PHAX: variants seen among roughly 807,000 people sequenced by gnomAD.
The protein encoded by PHAX is phosphorylated adapter RNA export protein.
In PHAX, 31 loss-of-function variants were observed where a neutral mutation model predicts 41.6. The observed-to-expected ratio is 0.75, with a 90% CI of 0.56 to 1.01. PHAX has a LOEUF of 1.01. PHAX is among the 50% of genes least tolerant of loss of function. The pLI is 0.00. For missense variants in PHAX, 453 were observed against 472.9 expected (o/e 0.96, Z 0.39); for synonymous variants, 175 against 164.9 (o/e 1.06, Z -0.47).
At chr5:126,608,544 T>TTTG in intron 3 of PHAX, 60 bp downstream of exon 3, 1 of 1,440,884 alleles carries the variant, frequency 6.9e-7, no homozygotes, top group Non-Finnish European at 9.7e-7. Context: ...TGTTTTTGAT[T>TTTG]ACAAATTTAA....
Position 126,617,239 on chromosome 5 carries a change from C to G in PHAX, c.832-11C>G. ...GTATATGCAGTTTACCTTTTCTGTT[C>G]CTTTTTGTAGAATGGTAGTCGAAGA... On this transcript the variant is annotated splice_polypyrimidine_tract_variant and intron_variant, in intron 3 of 4. Transcript: ENST00000297540. 6.3e-7 allele frequency: 1 copy of G among 1,588,126 alleles called. No individual in the cohort carries two copies. The highest frequency in any genetic ancestry group is 1.3e-5 in the African/African-American group (1 of 74,432).
At chr5:126,621,702 AAAG>A (rs1255741915) in intron 4 of PHAX, among the ~76,000 whole-genome samples, 1 of 152,214 alleles carries the variant, frequency 6.6e-6, no homozygotes, top group African/African-American at 2.4e-5. Context: ...CTGAAGGAAA[AAAG>A]CAATAGTTAA....
In PHAX at chr5:126,608,640, T is replaced by TA. The variant is rs993159190; in HGVS notation, c.831+165dup. On this transcript the variant is annotated intron_variant, in intron 3 of 4. Transcript: ENST00000297540. ...AACTATTATCAACAATGAAGACTGT[T>TA]AAAAAAAAATTAGTTGCCAGGCACG... Among the ~76,000 whole-genome samples, 11 of 151,484 alleles carry TA rather than the reference T, an allele frequency of 7.3e-5. No individual in the cohort carries two copies. The East Asian group carries it at 7.7e-4, about 11-fold the overall frequency.
intron 3 of PHAX, among the ~76,000 whole-genome samples, chr5:126,611,615 G>T (rs570948188): frequency 1.3e-5 from 2 of 151,966 alleles, no homozygotes; most frequent in Non-Finnish European, 2.9e-5. Flanking sequence ...GTGAAATCCT[G>T]TTCTACAAAA....
intron 3 of PHAX, among the ~76,000 whole-genome samples, chr5:126,615,123 CTTAAT>C (rs1424309301): frequency 6.6e-6 from 1 of 151,006 alleles, no homozygotes; most frequent in Admixed American, 6.6e-5. Context: ...TTTTTTTTAA[CTTAAT>C]TTCTCTTAGA....
chr5:126,603,752 A>T lies in PHAX; in HGVS notation c.279A>T (p.Lys93Asn), dbSNP rs1191495898. 6.2e-7 allele frequency: 1 copy of T among 1,614,008 alleles called. No individual in the cohort carries two copies. The highest frequency in any genetic ancestry group is 8.5e-7 in the Non-Finnish European group (1 of 1,180,032). Residue 93 changes from lysine to asparagine, a missense_variant, in exon 2 of 5, where the codon AAA becomes AAT. Transcript: ENST00000297540. The stretch of plus-strand genomic sequence containing the variant: ...AGAAATGTTTTAACCCTCCTCCCAA[A>T]CCAGAGCCTTTTCAGTTTGGCCAGA... ...KRQKCFNPPP[K>N]PEPFQFGQSS...
intron 4 of PHAX, among the ~76,000 whole-genome samples, chr5:126,619,959 T>C (rs973325080): frequency 6.6e-6 from 1 of 152,118 alleles, no homozygotes. Flanking sequence ...ATAACAATGG[T>C]GATAAAGGTA....
rs984885828 is a variant in PHAX, at chr5:126,624,668, G to A, written c.1009G>A (p.Ala337Thr). Residue 337 changes from alanine (A) to threonine (T), a missense_variant, in exon 5 of 5, where the codon GCT becomes ACT. Transcript: ENST00000297540. ...TQVLGKKMKQ[A>T]IKSLNFQEDD... The stretch of plus-strand genomic sequence containing the variant: ...AGTGTTGGGGAAAAAGATGAAACAA[G>A]CTATTAAAAGTCTAAATTTTCAAGA... The A allele has an allele frequency of 6.2e-7, 1 of 1,613,894 alleles. No homozygotes were observed. The highest frequency in any genetic ancestry group is 1.3e-5 in the African/African-American group (1 of 74,926).
chr5:126,603,482 G>A, intron 1 of PHAX, 88 bp from the exon 2 acceptor site: 1 of 1,407,642 alleles, frequency 7.1e-7, no homozygotes, highest in South Asian at 1.4e-5. Context: ...ATTTTGGAAT[G>A]GCAAAGTTGA....
rs367961657 is a variant in PHAX at position 126,608,394 on chromosome 5, C to T, written c.741C>T (p.Ala247=). ...RLQEPKKDLI[A]RVVRIIGNKK... is the part of the protein sequence containing the mutation. ...AGGAACCAAAGAAAGACCTGATAGCCCGAGTAGTGAGGATTATTGGTAACA... is the reference window on the plus strand; with the variant it reads ...AGGAACCAAAGAAAGACCTGATAGCTCGAGTAGTGAGGATTATTGGTAACA... Residue 247 remains alanine, a synonymous_variant, in exon 3 of 5, where the codon GCC becomes GCT. Coordinates refer to ENST00000297540, the MANE Select transcript of PHAX (RefSeq NM_032177.4). 3 of 1,613,124 alleles carry T rather than the reference C, an allele frequency of 1.9e-6. No homozygotes were observed. Among genetic ancestry groups the T allele is most frequent in the Non-Finnish European group, 2.5e-6 (3 of 1,179,368 alleles).
chr5:126,604,536 A>T (rs1180334326), intron 2 of PHAX, among the ~76,000 whole-genome samples: 2 of 152,050 alleles, frequency 1.3e-5, no homozygotes, highest in East Asian at 1.9e-4. Flanking sequence ...AAGTGCTGAG[A>T]TTACAGGCGT....
Position 126,603,727 on chromosome 5 carries a change from A to C in PHAX, c.254A>C (p.Gln85Pro). The change falls in exon 2 of 5, where the codon CAG becomes CCG. Residue 85 changes from glutamine to proline, a missense_variant. Coordinates refer to ENST00000297540, the MANE Select transcript of PHAX (RefSeq NM_032177.4). The stretch of plus-strand genomic sequence containing the variant: ...AGCTGTCTTTGGAAACGCAAACGAC[A>C]GAAATGTTTTAACCCTCCTCCCAAA... Reference protein sequence around the residue: ...DDSCLWKRKRQKCFNPPPKPE... With the variant: ...DDSCLWKRKRPKCFNPPPKPE... 1 of 1,614,190 alleles carries C rather than the reference A, an allele frequency of 6.2e-7. No homozygotes were observed. Among genetic ancestry groups the C allele is most frequent in the Non-Finnish European group, 8.5e-7 (1 of 1,180,032 alleles).
intron 2 of PHAX, among the ~76,000 whole-genome samples, chr5:126,605,772 T>C (rs528030687): frequency 1.3e-5 from 2 of 152,360 alleles, no homozygotes; most frequent in African/African-American, 4.8e-5. Context: ...TTGTTGCATT[T>C]AGTGCCATAG....
intron 3 of PHAX, among the ~76,000 whole-genome samples, chr5:126,610,018 T>G (rs1752056131): frequency 6.6e-6 from 1 of 152,222 alleles, no homozygotes; most frequent in Non-Finnish European, 1.5e-5. Flanking sequence ...ATTACAGGCT[T>G]GAGCCACTGT....
At position 126,624,803 on chromosome 5, in the gene PHAX, G is replaced by A. The variant is rs1752322695; in HGVS notation, c.1144G>A (p.Ala382Thr). ...HAEAKLEAEEAIEVDHSHDLD... is the reference protein window; with the variant it reads ...HAEAKLEAEETIEVDHSHDLD... ...AGAAGCCAAGTTGGAGGCAGAGGAA[G>A]CCATTGAAGTTGATCATTCTCATGA... The change falls in exon 5 of 5, where the codon GCC (alanine) becomes ACC (threonine). Residue 382 changes from alanine to threonine, a missense_variant. Ala to Thr is a moderately conservative substitution (Grantham distance 58, BLOSUM62 0). Coordinates refer to ENST00000297540, the MANE Select transcript of PHAX (RefSeq NM_032177.4). 5 of 1,613,040 alleles carry A rather than the reference G, an allele frequency of 3.1e-6. No individual in the cohort carries two copies. The highest frequency in any genetic ancestry group is 4.2e-6 in the Non-Finnish European group (5 of 1,179,704).
At chr5:126,613,775 CT>C (rs70994881) in intron 3 of PHAX, among the ~76,000 whole-genome samples, 33 of 146,466 alleles carry the variant, frequency 2.3e-4, no homozygotes, top group Admixed American at 2.7e-4. Flanking sequence ...TTCTTTCTTT[CT>C]TTTTTTTTTT....
chr5:126,623,759 T>C (rs1476440670), intron 4 of PHAX, among the ~76,000 whole-genome samples: 1 of 152,110 alleles, frequency 6.6e-6, no homozygotes, highest in African/African-American at 2.4e-5. Flanking sequence ...CCATCTTCCA[T>C]AGTGCTTTTT....
At chr5:126,602,289 T>A (rs1751916153) in intron 1 of PHAX, among the ~76,000 whole-genome samples, 1 of 152,246 alleles carries the variant, frequency 6.6e-6, no homozygotes, top group Non-Finnish European at 1.5e-5. Context: ...TTGACTGCCT[T>A]GGTAGGTAGC....
rs192920161 is a variant in PHAX, at chr5:126,602,551, C to T, written c.97-1019C>T. On this transcript the variant is annotated intron_variant, in intron 1 of 4. Coordinates refer to ENST00000297540, the MANE Select transcript of PHAX (RefSeq NM_032177.4). ...AGATAGTCCCAACTTCCATTTCTAG[C>T]GTAGTAGGAGTTTAACAAAGACAAA... Among the ~76,000 whole-genome samples the T allele has an allele frequency of 5.7e-3, 875 of 152,300 alleles. 11 individuals are homozygous for T. Among genetic ancestry groups the T allele is most frequent in the Non-Finnish European group, 8.6e-3 (582 of 68,022 alleles).
Sources: gnomAD v4.1 joint callset for allele counts (sites outside exome capture counted in the v4.1 genomes callset) on GRCh38, gnomAD v4.1.1 for gene constraint, MANE v1.5 for transcripts, NCBI Gene and HGNC (gene_info 2026-07-23, HGNC 2026-07-21) for gene names.